Variants in RABGAP1L observed in about 807,000 individuals in gnomAD.
RABGAP1L encodes the protein rab GTPase-activating protein 1-like.
In RABGAP1L, 63 loss-of-function variants were observed where a neutral mutation model predicts 137.7. That is an observed-to-expected ratio of 0.46 (90% confidence interval 0.37 to 0.56). The LOEUF is 0.56. Among genes scored for constraint, RABGAP1L ranks in the 20% least tolerant of loss-of-function variants. The pLI, the probability that RABGAP1L is intolerant of heterozygous loss-of-function variation, is 0.00. For missense variants in RABGAP1L, 1,095 were observed against 1,244.0 expected, an observed-to-expected ratio of 0.88 and a Z score of 1.80; for synonymous variants, 431 against 433.7, an observed-to-expected ratio of 0.99 and a Z score of 0.08.
intron 18 of RABGAP1L, among the ~76,000 whole-genome samples, chr1:174,797,216 A>G (rs1182272109): frequency 6.6e-6 from 1 of 152,114 alleles, no homozygotes; most frequent in Non-Finnish European, 1.5e-5. Flanking sequence ...AGACCAAGTT[A>G]GTTGAGTGGA....
chr1:174,698,336 A>G (rs1679407958), intron 15 of RABGAP1L, among the ~76,000 whole-genome samples: 1 of 152,210 alleles, frequency 6.6e-6, no homozygotes, highest in African/African-American at 2.4e-5. Flanking sequence ...TTCCCTGTTC[A>G]GATAAAAATA....
chr1:174,537,425 C>T (rs944636701), intron 13 of RABGAP1L, among the ~76,000 whole-genome samples: 1 of 152,206 alleles, frequency 6.6e-6, no homozygotes, highest in Non-Finnish European at 1.5e-5. Context: ...TATCCTACTG[C>T]TACTAAGAAC....
At chr1:174,671,710 A>G (rs1677188939) in intron 14 of RABGAP1L, among the ~76,000 whole-genome samples, 1 of 152,002 alleles carries the variant, frequency 6.6e-6, no homozygotes, top group South Asian at 2.1e-4. Context: ...GCTTATTAGT[A>G]TTTTGTTGAG....
chr1:174,161,322 A>G (rs1384306561), intron 1 of RABGAP1L, among the ~76,000 whole-genome samples: 6 of 151,780 alleles, frequency 4.0e-5, no homozygotes. Flanking sequence ...GGCTCACCAC[A>G]ACCTCCGCCT....
chr1:174,524,304 G>A (rs1663689658), intron 13 of RABGAP1L, among the ~76,000 whole-genome samples: 1 of 151,264 alleles, frequency 6.6e-6, no homozygotes, highest in African/African-American at 2.4e-5. Flanking sequence ...CCAGATCTTT[G>A]GCAGCATCTG....
intron 18 of RABGAP1L, among the ~76,000 whole-genome samples, chr1:174,786,038 T>C (rs1020654141): frequency 2.6e-5 from 4 of 152,230 alleles, no homozygotes; most frequent in Admixed American, 6.5e-5. Context: ...TCTGGCTAAC[T>C]CCATTTCAAA....
At chr1:174,613,977 A>G (rs1671529085) in intron 13 of RABGAP1L, among the ~76,000 whole-genome samples, 1 of 152,070 alleles carries the variant, frequency 6.6e-6, no homozygotes, top group Non-Finnish European at 1.5e-5. Context: ...GGTTTCCTGA[A>G]TACAGCACAC....
intron 15 of RABGAP1L, among the ~76,000 whole-genome samples, chr1:174,695,494 T>A (rs1434074168): frequency 6.6e-6 from 1 of 152,168 alleles, no homozygotes; most frequent in Non-Finnish European, 1.5e-5. Context: ...CTTTATCTGA[T>A]AGGATTCTGA....
At chr1:174,175,843 T>G (rs1291619073) in intron 1 of RABGAP1L, among the ~76,000 whole-genome samples, 3 of 152,142 alleles carry the variant, frequency 2.0e-5, no homozygotes, top group Admixed American at 2.0e-4. Flanking sequence ...CAGGCTGGTC[T>G]TGAACGCCTG....
intron 19 of RABGAP1L, among the ~76,000 whole-genome samples, chr1:174,868,915 T>G (rs534362518): frequency 6.6e-6 from 1 of 152,114 alleles, no homozygotes; most frequent in South Asian, 2.1e-4. Flanking sequence ...CCAGAAAGAT[T>G]TAGTTGTTTA....
intron 11 of RABGAP1L, among the ~76,000 whole-genome samples, chr1:174,349,047 G>GC (rs1682749058): frequency 1.4e-5 from 2 of 139,154 alleles, no homozygotes; most frequent in Non-Finnish European, 3.2e-5. Context: ...GGCCGGGCGG[G>GC]GGGGGGGCTG....
chr1:174,397,655 T>A (rs1386539060), intron 13 of RABGAP1L, among the ~76,000 whole-genome samples: 4 of 152,236 alleles, frequency 2.6e-5, no homozygotes, highest in South Asian at 2.1e-4. Flanking sequence ...GCATGTATTT[T>A]TCTCCTTGTT....
At chr1:174,713,577 C>G (rs1186375795) in intron 17 of RABGAP1L, among the ~76,000 whole-genome samples, 3 of 152,170 alleles carry the variant, frequency 2.0e-5, no homozygotes, top group African/African-American at 7.2e-5. Flanking sequence ...CTCTCGTTTA[C>G]TCTCTCACTG....
At chr1:174,212,366 A>G (rs895197990) in intron 1 of RABGAP1L, among the ~76,000 whole-genome samples, 5 of 152,072 alleles carry the variant, frequency 3.3e-5, no homozygotes, top group Non-Finnish European at 5.9e-5. Context: ...GCACCAACCT[A>G]ATAGAAATCA....
At chr1:174,536,942 A>G (rs1245615199) in intron 13 of RABGAP1L, among the ~76,000 whole-genome samples, 1 of 152,138 alleles carries the variant, frequency 6.6e-6, no homozygotes, top group Non-Finnish European at 1.5e-5. Context: ...ATAGGGTGAA[A>G]GTTCTTGTAA....
At chr1:174,800,444 C>A (rs1167858788) in intron 18 of RABGAP1L, 3 of 1,550,890 alleles carry the variant, frequency 1.9e-6, no homozygotes, top group East Asian at 2.4e-5. Context: ...GTATGCGTGT[C>A]GAGTGCTGGA....
At chr1:174,811,540 A>C (rs1219256208) in intron 18 of RABGAP1L, among the ~76,000 whole-genome samples, 2 of 152,170 alleles carry the variant, frequency 1.3e-5, no homozygotes, top group Non-Finnish European at 2.9e-5. Context: ...CAGAGCTGTA[A>C]CTTGGTAAGC....
intron 13 of RABGAP1L, among the ~76,000 whole-genome samples, chr1:174,581,169 G>A (rs1272161197): frequency 6.6e-6 from 1 of 152,128 alleles, no homozygotes; most frequent in Non-Finnish European, 1.5e-5. Context: ...TCTATTTATA[G>A]GTAAATAGCC....
intron 19 of RABGAP1L, among the ~76,000 whole-genome samples, chr1:174,833,610 A>G (rs971102058): frequency 6.6e-6 from 1 of 150,550 alleles, no homozygotes; most frequent in Admixed American, 6.7e-5. Flanking sequence ...CTAGTGCAGT[A>G]TGATCATTTA....
Sources: gnomAD v4.1 joint callset for allele counts (sites outside exome capture counted in the v4.1 genomes callset) on GRCh38, gnomAD v4.1.1 for gene constraint, MANE v1.5 for transcripts, NCBI Gene and HGNC (gene_info 2026-07-23, HGNC 2026-07-21) for gene names.